MDGA2: variants seen among roughly 807,000 people sequenced by gnomAD.
MDGA2 encodes MAM domain containing glycosylphosphatidylinositol anchor 2, also known as MAM domain-containing glycosylphosphatidylinositol anchor protein 2.
MDGA2 carries 40 observed loss-of-function variants against 117.8 expected under a neutral mutation model. The ratio of observed to expected loss-of-function variants is 0.34; its 90% CI spans 0.26 to 0.44. The LOEUF is 0.44. Among genes scored for constraint, MDGA2 ranks in the 20% least tolerant of loss-of-function variants. The pLI is 1.00. For missense variants in MDGA2, 1,123 were observed against 1,250.6 expected (o/e 0.90, Z 1.54); for synonymous variants, 452 against 439.0 (o/e 1.03, Z -0.37).
intron 1 of MDGA2, among the ~76,000 whole-genome samples, chr14:47,391,322 C>T (rs1329904873): frequency 3.3e-5 from 5 of 152,142 alleles, no homozygotes; most frequent in African/African-American, 9.7e-5. Flanking sequence ...CATGTGACAG[C>T]GATTTCTCAT....
intron 1 of MDGA2, among the ~76,000 whole-genome samples, chr14:47,608,645 A>C (rs1594941510): frequency 6.6e-6 from 1 of 152,256 alleles, no homozygotes; most frequent in Non-Finnish European, 1.5e-5. Context: ...GCCACTGTAA[A>C]GATCTTTGGC....
intron 1 of MDGA2, among the ~76,000 whole-genome samples, chr14:47,651,627 TTA>T (rs1217299345): frequency 6.6e-6 from 1 of 151,758 alleles, no homozygotes; most frequent in Non-Finnish European, 1.5e-5. Flanking sequence ...ATGTAGGGAG[TTA>T]TATGAAGCAT....
At chr14:46,886,467 A>G (rs1231263737) in intron 10 of MDGA2, among the ~76,000 whole-genome samples, 2 of 152,138 alleles carry the variant, frequency 1.3e-5, no homozygotes, top group African/African-American at 4.8e-5. Context: ...TACATATTAA[A>G]GAATAAAGAA....
At chr14:47,409,369 A>G in intron 1 of MDGA2, among the ~76,000 whole-genome samples, 1 of 152,186 alleles carries the variant, frequency 6.6e-6, no homozygotes, top group Admixed American at 6.5e-5. Context: ...AAAATTTCGG[A>G]GATTCTTTTC....
chr14:47,531,686 C>A (rs1166069449), intron 1 of MDGA2, among the ~76,000 whole-genome samples: 1 of 152,168 alleles, frequency 6.6e-6, no homozygotes, highest in African/African-American at 2.4e-5. Flanking sequence ...GTCGGGGAGA[C>A]TCTTCCTTAA....
At chr14:47,036,086 G>A (rs1888837653) in intron 7 of MDGA2, among the ~76,000 whole-genome samples, 1 of 151,600 alleles carries the variant, frequency 6.6e-6, no homozygotes, top group Non-Finnish European at 1.5e-5. Flanking sequence ...TGGCTAACAC[G>A]GTGAAACCCC....
At position 47,315,193 on chromosome 14, in the gene MDGA2, A is replaced by T. The variant is rs553967109; in HGVS notation, c.281-13643T>A. Among the ~76,000 whole-genome samples, 4 of 152,240 alleles carry T rather than the reference A, an allele frequency of 2.6e-5. No homozygotes were observed. The East Asian group carries it at 7.7e-4, about 29-fold the overall frequency. ...AATACTTTTTCTACTTCTACTTTAC[A>T]GTTACCCTGGTTCTCTTAATCCAGA... On this transcript the variant is annotated intron_variant, in intron 1 of 16. Transcript: ENST00000399232.
At chr14:47,594,715 C>T (rs1420702070) in intron 1 of MDGA2, among the ~76,000 whole-genome samples, 1 of 152,232 alleles carries the variant, frequency 6.6e-6, no homozygotes, top group Non-Finnish European at 1.5e-5. Flanking sequence ...GCCATTCCCA[C>T]TAGGCCTAGT....
In MDGA2 at chr14:47,668,494, G is replaced by A. The variant is rs555979928; in HGVS notation, c.280+6023C>T. On this transcript the variant is annotated intron_variant, in intron 1 of 16. Transcript: ENST00000399232. ...TGAGATGATTTAATGATATCTTAAA[G>A]TCTCTTCTCCCACTTTATGATTTTA... 2.8e-4 allele frequency among the ~76,000 whole-genome samples: 43 copies of A among 152,266 alleles called. 1 individual carries two copies. The South Asian group carries it at 8.5e-3, about 30-fold the overall frequency.
chr14:47,070,646 C>G (rs975494974), intron 6 of MDGA2, among the ~76,000 whole-genome samples: 2 of 152,128 alleles, frequency 1.3e-5, no homozygotes, highest in Non-Finnish European at 2.9e-5. Context: ...CGTTCTGTCA[C>G]CCAGGCTGGA....
chr14:47,237,949 T>C (rs1480990606), intron 2 of MDGA2, among the ~76,000 whole-genome samples: 2 of 152,140 alleles, frequency 1.3e-5, no homozygotes, highest in Admixed American at 6.5e-5. Flanking sequence ...TGGCTTCCCA[T>C]TGCCCAGAAA....
At chr14:46,906,683 T>G (rs1460047862) in intron 10 of MDGA2, among the ~76,000 whole-genome samples, 2 of 152,162 alleles carry the variant, frequency 1.3e-5, no homozygotes, top group African/African-American at 2.4e-5. Flanking sequence ...GTATCCTTTA[T>G]AATACAACTC....
At chr14:47,620,809 G>A (rs1897036479) in intron 1 of MDGA2, among the ~76,000 whole-genome samples, 1 of 152,152 alleles carries the variant, frequency 6.6e-6, no homozygotes, top group African/African-American at 2.4e-5. Flanking sequence ...AAATGATTGG[G>A]TATCTGTGTT....
chr14:47,540,518 A>ATGTGTGTGTGTG (rs1374889978), intron 1 of MDGA2, among the ~76,000 whole-genome samples: 2 of 61,176 alleles, frequency 3.3e-5, no homozygotes, highest in Non-Finnish European at 3.4e-5. Flanking sequence ...ATGTATATGT[A>ATGTGTGTGTGTG]TATGTGTGTG....
At chr14:47,446,796 C>A (rs1893133159) in intron 1 of MDGA2, among the ~76,000 whole-genome samples, 1 of 151,984 alleles carries the variant, frequency 6.6e-6, no homozygotes, top group Admixed American at 6.6e-5. Flanking sequence ...AAGTAAAAGA[C>A]AGGGTGGGGG....
At chr14:47,660,490 T>G (rs1200002561) in intron 1 of MDGA2, among the ~76,000 whole-genome samples, 2 of 152,232 alleles carry the variant, frequency 1.3e-5, no homozygotes, top group African/African-American at 4.8e-5. Flanking sequence ...TCTGTAAGCT[T>G]TGAGGTCTGA....
At chr14:47,091,807 C>T (rs1879672581) in intron 6 of MDGA2, among the ~76,000 whole-genome samples, 1 of 152,012 alleles carries the variant, frequency 6.6e-6, no homozygotes, top group Non-Finnish European at 1.5e-5. Context: ...AAGCTCCGTC[C>T]CATTTCCCGA....
At chr14:47,163,310 G>A (rs1016967570) in intron 3 of MDGA2, among the ~76,000 whole-genome samples, 1 of 152,118 alleles carries the variant, frequency 6.6e-6, no homozygotes, top group Non-Finnish European at 1.5e-5. Flanking sequence ...CGCATGGCAA[G>A]GTTTGGCTCT....
chr14:46,994,746 A>G (rs986642657), intron 8 of MDGA2, among the ~76,000 whole-genome samples: 1 of 152,178 alleles, frequency 6.6e-6, no homozygotes. Flanking sequence ...TAAGAGCAAA[A>G]CACCCTTAAG....
Sources: allele counts gnomAD v4.1 joint callset (sites outside exome capture counted in the v4.1 genomes callset), GRCh38; gene constraint gnomAD v4.1.1; transcripts MANE v1.5; gene names NCBI Gene and HGNC (gene_info 2026-07-23, HGNC 2026-07-21).